Variants in CTTNBP2 observed in about 807,000 individuals in gnomAD.
CTTNBP2 encodes cortactin binding protein 2, also known as cortactin-binding protein 2.
In CTTNBP2, 108 loss-of-function variants were observed where a neutral mutation model predicts 156.9. The ratio of observed to expected loss-of-function variants is 0.69; its 90% CI spans 0.59 to 0.81. The LOEUF is 0.81. CTTNBP2 is among the 30% of genes least tolerant of loss of function. The pLI is 0.00. For missense variants in CTTNBP2, 1,924 were observed against 2,035.4 expected (o/e 0.95, Z 1.05); for synonymous variants, 767 against 751.8 (o/e 1.02, Z -0.33).
chr7:117,766,591 T>A (rs1396334116), intron 9 of CTTNBP2, among the ~76,000 whole-genome samples: 1 of 152,162 alleles, frequency 6.6e-6, no homozygotes, highest in African/African-American at 2.4e-5. Context: ...TGAGCCTTTA[T>A]AAAATGCTGA....
At chr7:117,723,088 TC>T (rs931534954) in intron 19 of CTTNBP2, among the ~76,000 whole-genome samples, 143 of 152,230 alleles carry the variant, frequency 9.4e-4, no homozygotes, top group African/African-American at 3.3e-3. Context: ...ACTCCCTAAA[TC>T]AAACACTCTG....
chr7:117,720,981 T>G, intron 20 of CTTNBP2, 86 bp downstream of exon 20: 23 of 842,738 alleles, frequency 2.7e-5, no homozygotes, highest in Non-Finnish European at 3.9e-5. Flanking sequence ...GTCATTCAAA[T>G]GAGAACATGG....
chr7:117,712,854 T>C (rs910716145), intron 22 of CTTNBP2, among the ~76,000 whole-genome samples: 2 of 152,166 alleles, frequency 1.3e-5, no homozygotes, highest in Non-Finnish European at 2.9e-5. Flanking sequence ...AAAGAACGCC[T>C]AGCTTAACTC....
chr7:117,744,073 G>T (rs1233199891), intron 14 of CTTNBP2, among the ~76,000 whole-genome samples: 1 of 151,956 alleles, frequency 6.6e-6, no homozygotes, highest in Non-Finnish European at 1.5e-5. Flanking sequence ...GTGTCTATGA[G>T]GTGTTTTGAT....
At chr7:117,848,812 A>C (rs1302196287) in intron 2 of CTTNBP2, among the ~76,000 whole-genome samples, 1 of 152,118 alleles carries the variant, frequency 6.6e-6, no homozygotes, top group Non-Finnish European at 1.5e-5. Flanking sequence ...ATAGACTTAC[A>C]TTTTCCCATT....
At chr7:117,744,849 A>T (rs560379077) in intron 14 of CTTNBP2, among the ~76,000 whole-genome samples, 48 of 152,318 alleles carry the variant, frequency 3.2e-4, no homozygotes, top group Non-Finnish European at 5.9e-4. Context: ...GTGAGCTGAG[A>T]TCATGCCACT....
chr7:117,801,740 C>T (rs1799619857), intron 3 of CTTNBP2, among the ~76,000 whole-genome samples: 1 of 151,738 alleles, frequency 6.6e-6, no homozygotes, highest in African/African-American at 2.4e-5. Context: ...TGCGCTCACG[C>T]ATGTATGTGT....
chr7:117,818,630 C>A (rs1800765554), intron 2 of CTTNBP2, among the ~76,000 whole-genome samples: 1 of 152,124 alleles, frequency 6.6e-6, no homozygotes, highest in Non-Finnish European at 1.5e-5. Flanking sequence ...GAACAGGTGT[C>A]AGAACTGGAC....
At position 117,810,878 on chromosome 7, in the gene CTTNBP2, T is replaced by A. The variant is rs778567729; in HGVS notation, c.301A>T (p.Lys101Ter). The change falls in exon 3 of 23, where the codon AAG becomes TAG. Residue 101 changes from lysine to a stop codon, truncating the protein, a stop_gained. Transcript: ENST00000160373. LOFTEE classifies it high-confidence loss of function. ...GAGAGGGGGTTGGTACAAACTGGCT[T>A]CTTCTCTTTGTCACCAGCACCTGCT... ...YEAGAGDKEK[K>*]PVCTNPLSIL... 1 of 1,614,132 alleles carries A rather than the reference T, an allele frequency of 6.2e-7. No homozygotes were observed. Among genetic ancestry groups the A allele is most frequent in the Non-Finnish European group, 8.5e-7 (1 of 1,180,010 alleles).
rs1796992859 is a variant in CTTNBP2 at position 117,758,148 on chromosome 7, G to A, written c.3173-178C>T. On this transcript the variant is annotated intron_variant, in intron 10 of 22. Coordinates refer to ENST00000160373, the MANE Select transcript of CTTNBP2 (RefSeq NM_033427.3). Reference sequence around the variant, plus strand: ...GGGTTAGCTCCCTAATGAAATTCTTGTTGAAGGTTGAAAGGAAGGCTTTCA... The same window carrying A: ...GGGTTAGCTCCCTAATGAAATTCTTATTGAAGGTTGAAAGGAAGGCTTTCA... 8.9e-6 allele frequency: 5 copies of A among 559,638 alleles called. No individual in the cohort carries two copies. In the South Asian group the frequency reaches 9.9e-5, roughly 11 times the overall value. 34.7% of individuals were successfully genotyped at this position (559,638 alleles called of 1,614,324 possible).
intron 12 of CTTNBP2, among the ~76,000 whole-genome samples, chr7:117,747,782 A>C (rs1356003475): frequency 6.6e-6 from 1 of 152,198 alleles, no homozygotes; most frequent in African/African-American, 2.4e-5. Context: ...CAAGGTTAAA[A>C]AGAAAAAAGA....
intron 2 of CTTNBP2, among the ~76,000 whole-genome samples, chr7:117,857,465 T>C (rs1034423613): frequency 6.6e-6 from 1 of 152,208 alleles, no homozygotes; most frequent in African/African-American, 2.4e-5. Context: ...CAATGATGTA[T>C]GCAATTTTTA....
At chr7:117,866,836 C>T (rs1352547784) in intron 1 of CTTNBP2, among the ~76,000 whole-genome samples, 4 of 152,090 alleles carry the variant, frequency 2.6e-5, no homozygotes, top group Non-Finnish European at 4.4e-5. Context: ...ACTGATTTTG[C>T]CTCTTTGCTC....
chr7:117,850,784 T>C (rs1802886966), intron 2 of CTTNBP2, among the ~76,000 whole-genome samples: 1 of 152,216 alleles, frequency 6.6e-6, no homozygotes, highest in East Asian at 1.9e-4. Context: ...TACTTTTCCA[T>C]TGTCACACTT....
At position 117,785,351 on chromosome 7, in the gene CTTNBP2, C is replaced by G. The variant is rs112561821; in HGVS notation, c.2069-897G>C. Among the ~76,000 whole-genome samples the G allele has an allele frequency of 8.0e-3, 1,213 of 152,206 alleles. 17 individuals carry two copies. The highest frequency in any genetic ancestry group is 0.028 in the African/African-American group (1,157 of 41,530). On this transcript the variant is annotated intron_variant, in intron 4 of 22. Coordinates refer to ENST00000160373, the MANE Select transcript of CTTNBP2 (RefSeq NM_033427.3). ...TTCCTTGATCAAAAGGCTGTAAAAACAGTAAAGTAAAAAATGTTCATTCAA... is the reference window on the plus strand; with the variant it reads ...TTCCTTGATCAAAAGGCTGTAAAAAGAGTAAAGTAAAAAATGTTCATTCAA...
intron 8 of CTTNBP2, among the ~76,000 whole-genome samples, chr7:117,775,309 C>T (rs913497891): frequency 6.6e-6 from 1 of 152,056 alleles, no homozygotes; most frequent in African/African-American, 2.4e-5. Context: ...ACAGGAGAGT[C>T]ATAGTCTATG....
chr7:117,782,255 G>A (rs1210075386), intron 6 of CTTNBP2, among the ~76,000 whole-genome samples: 1 of 152,066 alleles, frequency 6.6e-6, no homozygotes, highest in Non-Finnish European at 1.5e-5. Context: ...GACTTTTAAT[G>A]TTAAAAAGTC....
chr7:117,747,006 C>T (rs998951259), intron 12 of CTTNBP2, among the ~76,000 whole-genome samples: 5 of 152,116 alleles, frequency 3.3e-5, no homozygotes, highest in African/African-American at 7.2e-5. Context: ...AGTTAGCCTC[C>T]CACTTCTGTC....
chr7:117,843,748 A>G (rs34638899), intron 2 of CTTNBP2, among the ~76,000 whole-genome samples: 12 of 152,248 alleles, frequency 7.9e-5, no homozygotes, highest in African/African-American at 2.9e-4. Context: ...GAAAACAGAA[A>G]CCGGAGTGGG....
Sources: allele counts gnomAD v4.1 joint callset (sites outside exome capture counted in the v4.1 genomes callset), GRCh38; gene constraint gnomAD v4.1.1; transcripts MANE v1.5; gene names NCBI Gene and HGNC (gene_info 2026-07-23, HGNC 2026-07-21).